The following GSE1 variants were observed in gnomAD, a reference collection of about 807,000 sequenced individuals.
GSE1 encodes the protein Gse1 coiled-coil protein.
GSE1 carries 32 observed loss-of-function variants against 112.6 expected under a neutral mutation model. The ratio of observed to expected loss-of-function variants is 0.28; its 90% CI spans 0.21 to 0.38. The LOEUF (loss-of-function observed/expected upper bound fraction) is 0.38, where lower values mean the gene tolerates loss of function less well. Ranked by LOEUF, GSE1 falls within the 10% of genes least tolerant of loss-of-function variation. The probability of loss-of-function intolerance (pLI) is 1.00; values close to 1 mark genes in which losing one functional copy is unlikely to be tolerated. For synonymous variants in GSE1, 1,115 were observed against 735.6 expected (o/e 1.52, Z -8.35); for missense variants, 2,348 against 1,699.2 (o/e 1.38, Z -6.71).
intron 1 of GSE1, among the ~76,000 whole-genome samples, chr16:85,238,720 G>A (rs770334953): frequency 1.1e-4 from 16 of 152,140 alleles, no homozygotes; most frequent in South Asian, 2.1e-4. Context: ...TCAGCAGGGT[G>A]GGGGACCATC....
intron 1 of GSE1, among the ~76,000 whole-genome samples, chr16:85,208,619 C>T (rs1597802678): frequency 6.6e-6 from 1 of 152,240 alleles, no homozygotes; most frequent in African/African-American, 2.4e-5. Context: ...ATACCTTAGG[C>T]TTTGCGGGCC....
upstream of GSE1, among the ~76,000 whole-genome samples, chr16:85,552,319 C>T (rs1399213630): frequency 0.017 from 1,170 of 68,684 alleles, 3 homozygotes; most frequent in Middle Eastern, 0.03. Context: ...ACCACCGCAC[C>T]CGCCCCTCCT....
intron 2 of GSE1, among the ~76,000 whole-genome samples, chr16:85,514,066 A>G (rs1334022595): frequency 2.6e-5 from 4 of 152,110 alleles, no homozygotes; most frequent in Non-Finnish European, 5.9e-5. Context: ...GGCTGAAGAA[A>G]GAGGGAGTCT....
intron 1 of GSE1, among the ~76,000 whole-genome samples, chr16:85,173,952 C>G (rs569154284): frequency 6.6e-6 from 1 of 152,276 alleles, no homozygotes; most frequent in Admixed American, 6.5e-5. Context: ...CTTCTTATAT[C>G]ATTTTATAGA....
Position 85,491,369 on chromosome 16 carries a change from C to T in GSE1, c.2464+133726C>T, listed in dbSNP as rs542470517. 2.0e-5 allele frequency among the ~76,000 whole-genome samples: 3 copies of T among 152,290 alleles called. No homozygotes were observed. The South Asian group carries it at 6.2e-4, about 32-fold the overall frequency. On this transcript the variant is annotated intron_variant, in intron 2 of 2. Coordinates refer to the GSE1 transcript ENST00000637419. ...CCTGCCCTTGGAGACAGACAGGAAG[C>T]TCCCTACAGGAACAGGAGAGGTGGG...
At chr16:85,653,857 C>T (rs1030796431) in intron 3 of GSE1, among the ~76,000 whole-genome samples, 7 of 152,162 alleles carry the variant, frequency 4.6e-5, no homozygotes, top group South Asian at 2.1e-4. Flanking sequence ...TCGTGGCACT[C>T]GCTTCACGGC....
chr16:85,298,399 C>A (rs2151455607), intron 1 of GSE1, among the ~76,000 whole-genome samples: 1 of 152,086 alleles, frequency 6.6e-6, no homozygotes, highest in East Asian at 1.9e-4. Context: ...TTTGCATAGC[C>A]CTGACAGAGA....
At chr16:85,518,229 C>T (rs970939956) in intron 2 of GSE1, among the ~76,000 whole-genome samples, 1 of 152,190 alleles carries the variant, frequency 6.6e-6, no homozygotes, top group Non-Finnish European at 1.5e-5. Flanking sequence ...GGTGTGCCCC[C>T]CGGGGTCAGT....
In GSE1 at chr16:85,657,297, C is replaced by T. The variant is rs2052045846; in HGVS notation, c.1333C>T (p.Leu445=). 6.4e-7 allele frequency: 1 copy of T among 1,568,384 alleles called. No individual in the cohort carries two copies. Among genetic ancestry groups the T allele is most frequent in the African/African-American group, 1.4e-5 (1 of 73,298 alleles). Residue 445 remains leucine, a synonymous_variant, in exon 8 of 16, where the codon CTG becomes TTG. Coordinates refer to ENST00000253458, the MANE Select transcript of GSE1 (RefSeq NM_014615.5). ...TRAEKLKDAG[L]QAPKPVQHPL... ...CACAGAGAAGCTGAAGGATGCCGGC[C>T]TGCAGGCGCCCAAGCCCGTCCAACA...
intron 2 of GSE1, among the ~76,000 whole-genome samples, chr16:85,536,872 T>A (rs1360510810): frequency 6.6e-6 from 1 of 152,116 alleles, no homozygotes; most frequent in Non-Finnish European, 1.5e-5. Flanking sequence ...ACAGGGGAAG[T>A]CTGTAGAAAC....
chr16:85,611,505 C>A (rs2047981411), upstream of GSE1: 3 of 983,684 alleles, frequency 3.0e-6, no homozygotes, highest in African/African-American at 5.2e-5. Context: ...ACCCCCGCGC[C>A]GTGCCAGGGC....
chr16:85,186,323 G>A (rs758684337), intron 1 of GSE1, among the ~76,000 whole-genome samples: 7 of 152,030 alleles, frequency 4.6e-5, no homozygotes, highest in Admixed American at 1.3e-4. Flanking sequence ...TTAAAAAATT[G>A]TCCGGGTGCG....
chr16:85,631,919 C>T (rs907995871), intron 1 of GSE1, among the ~76,000 whole-genome samples: 4 of 152,244 alleles, frequency 2.6e-5, no homozygotes, highest in Non-Finnish European at 5.9e-5. Context: ...GATGGCAGCC[C>T]GGTGCGGGGG....
chr16:85,326,294 T>G (rs2151508058), intron 1 of GSE1, among the ~76,000 whole-genome samples: 1 of 152,352 alleles, frequency 6.6e-6, no homozygotes, highest in Non-Finnish European at 1.5e-5. Context: ...ATCTTGGCTG[T>G]GTGACCTTAA....
At chr16:85,590,006 G>A (rs2046913476) in intron 1 of GSE1, among the ~76,000 whole-genome samples, 1 of 152,138 alleles carries the variant, frequency 6.6e-6, no homozygotes, top group African/African-American at 2.4e-5. Flanking sequence ...GAGACTGTGT[G>A]ACCTGTGTGA....
At chr16:85,394,502 T>G (rs2151653253) in intron 2 of GSE1, among the ~76,000 whole-genome samples, 1 of 152,240 alleles carries the variant, frequency 6.6e-6, no homozygotes, top group Non-Finnish European at 1.5e-5. Context: ...ATGAGCGGCT[T>G]GAGGGGGCTC....
In GSE1 at chr16:85,450,869, T is replaced by C. The variant is rs557303073; in HGVS notation, c.2464+93226T>C. On this transcript the variant is annotated intron_variant, in intron 2 of 2. Transcript: ENST00000637419. ...TAAGGTTAGGCGTTCGAGACCAGCCTGGCCAATATGGTGAAACCATCCCCC... is the reference window on the plus strand; with the variant it reads ...TAAGGTTAGGCGTTCGAGACCAGCCCGGCCAATATGGTGAAACCATCCCCC... 1.6e-3 allele frequency among the ~76,000 whole-genome samples: 237 copies of C among 152,174 alleles called. 1 individual carries two copies. Among genetic ancestry groups the C allele is most frequent in the African/African-American group, 4.7e-3 (195 of 41,564 alleles).
chr16:85,507,146 G>A (rs535660059), intron 2 of GSE1, among the ~76,000 whole-genome samples: 5 of 152,320 alleles, frequency 3.3e-5, no homozygotes, highest in East Asian at 3.9e-4. Flanking sequence ...GACGCTCGCC[G>A]GCCCTGAACC....
intron 1 of GSE1, among the ~76,000 whole-genome samples, chr16:85,254,573 C>G (rs1906864949): frequency 6.6e-6 from 1 of 152,200 alleles, no homozygotes; most frequent in African/African-American, 2.4e-5. Context: ...CTGGGGGGCC[C>G]TTGCCACCCA....
Sources: allele counts gnomAD v4.1 joint callset (sites outside exome capture counted in the v4.1 genomes callset), GRCh38; gene constraint gnomAD v4.1.1; transcripts MANE v1.5; gene names NCBI Gene and HGNC (gene_info 2026-07-23, HGNC 2026-07-21).